The following TNNT1 variants were observed in gnomAD, a reference collection of about 807,000 sequenced individuals.
TNNT1 encodes the protein troponin T1, slow skeletal type.
Under a neutral mutation model 50.6 loss-of-function variants are expected in TNNT1, and 53 were observed. That is an observed-to-expected ratio of 1.05 (90% CI 0.84 to 1.32). The LOEUF is 1.32. TNNT1 is among the 40% of genes most tolerant of loss of function. The pLI is 0.00. For synonymous variants in TNNT1, 142 were observed against 138.0 expected, an observed-to-expected ratio of 1.03 and a Z score of -0.20; for missense variants, 348 against 381.7, an observed-to-expected ratio of 0.91 and a Z score of 0.74.
intron 3 of TNNT1, 123 bp from the exon 4 acceptor site, chr19:55,146,830 ACGTTCCCCC>A (rs901320675): frequency 4.0e-4 from 465 of 1,168,242 alleles, no homozygotes; most frequent in Middle Eastern, 1.8e-3. Flanking sequence ...TGCGATGGGC[ACGTTCCCCC>A]TGGCGGTGCA....
Position 55,132,935 on chromosome 19 carries a change from C to A in TNNT1, c.817G>T (p.Val273Phe). Residue 273 changes from valine (V) to phenylalanine (F), a missense_variant, in exon 14 of 14, where the codon GTT becomes TTT. Val to Phe is a conservative substitution (Grantham distance 50). Around this residue, in one of 3 missense-constraint regions of TNNT1, gnomAD observed 253 missense variants for 291.8 expected, o/e 0.87. Transcript: ENST00000588981. ...CATCCTCACTTCCAGCGGCCTCCAA[C>A]GCGGCCCTTCCCTGCCCCCTTCCGG... ...KFRKGAGKGRVGGRWK is the reference protein window; with the variant it reads ...KFRKGAGKGRFGGRWK The A allele has an allele frequency of 3.7e-6, 6 of 1,603,900 alleles. No homozygotes were observed. Among genetic ancestry groups the A allele is most frequent in the Non-Finnish European group, 5.1e-6 (6 of 1,176,386 alleles).
chr19:55,145,653 C>G, intron 5 of TNNT1, 88 bp from the exon 6 acceptor site: 2 of 1,477,052 alleles, frequency 1.4e-6, no homozygotes, highest in South Asian at 2.3e-5. Flanking sequence ...AGGGACCCCC[C>G]AAGCCTCGGC....
chr19:55,140,197 T>G (rs190425916), intron 9 of TNNT1, among the ~76,000 whole-genome samples: 1 of 151,910 alleles, frequency 6.6e-6, no homozygotes, highest in Non-Finnish European at 1.5e-5. Context: ...CGATGGCTCA[T>G]GCCTGTCATC....
chr19:55,136,303 T>C (rs953025699), intron 11 of TNNT1, among the ~76,000 whole-genome samples: 3 of 152,020 alleles, frequency 2.0e-5, no homozygotes, highest in African/African-American at 7.3e-5. Context: ...CCCAGGCTGG[T>C]CTCCAACTCC....
intron 10 of TNNT1, among the ~76,000 whole-genome samples, chr19:55,137,614 CCAGGCCCCCAGCCCCTCCTCT>C (rs2085374030): frequency 8.7e-6 from 1 of 115,340 alleles, no homozygotes; most frequent in African/African-American, 4.1e-5. Flanking sequence ...ACCCAGGAGT[CCAGGCCCCCAGCCCCTCCTCT>C]CAGACTGAGT....
chr19:55,137,038 T>C, intron 11 of TNNT1, 65 bp downstream of exon 11: 2 of 1,055,196 alleles, frequency 1.9e-6, no homozygotes, highest in Non-Finnish European at 2.9e-6. Flanking sequence ...GATCTGGGTG[T>C]GAGCTCCTTT....
At chr19:55,136,575 G>A (rs1389230461) in intron 11 of TNNT1, among the ~76,000 whole-genome samples, 3 of 152,166 alleles carry the variant, frequency 2.0e-5, no homozygotes, top group Non-Finnish European at 2.9e-5. Flanking sequence ...CGGCAAACCC[G>A]ATCACGGCGC....
rs964730733 is a variant in TNNT1 at position 55,145,647 on chromosome 19, A to AC, written c.107-83dup. ...TAGGCCTGACACACCCTGGGGAGGG[A>AC]CCCCCCAAGCCTCGGCCCCCAGGAC... is the stretch of plus-strand genomic sequence containing the variant. On this transcript the variant is annotated intron_variant, in intron 5 of 13. Transcript: ENST00000588981. The AC allele has an allele frequency of 3.8e-5, 58 of 1,532,488 alleles. 1 individual carries two copies. The highest frequency in any genetic ancestry group is 1.3e-4 in the Admixed American group (8 of 59,424). 94.9% of individuals were successfully genotyped at this position (1,532,488 alleles called of 1,614,324 possible).
chr19:55,142,071 A>G (rs776562372), intron 6 of TNNT1, 151 bp from the exon 7 acceptor site: 3 of 725,416 alleles, frequency 4.1e-6, no homozygotes, highest in Non-Finnish European at 4.9e-6. Context: ...TCAGTGAAAC[A>G]CACAAAAGAA....
intron 13 of TNNT1, 99 bp downstream of exon 13, chr19:55,133,788 C>A: frequency 1.4e-6 from 2 of 1,388,200 alleles, no homozygotes; most frequent in Non-Finnish European, 2.1e-6. Flanking sequence ...GGCAGAAACT[C>A]AGGCAGTGGG....
At chr19:55,146,955 A>C in intron 3 of TNNT1, 53 bp downstream of exon 3, 1 of 1,549,312 alleles carries the variant, frequency 6.5e-7, no homozygotes, top group Non-Finnish European at 8.7e-7. Flanking sequence ...CTCCCCTCCC[A>C]AGAGCTCCTG....
intron 13 of TNNT1, 41 bp from the exon 14 acceptor site, chr19:55,133,001 C>T (rs748795049): frequency 1.4e-5 from 21 of 1,554,672 alleles, no homozygotes; most frequent in Non-Finnish European, 1.8e-5. Flanking sequence ...AGGGGCCCCT[C>T]CAGTCTCTGA....
intron 13 of TNNT1, 58 bp downstream of exon 13, chr19:55,133,829 C>A: frequency 6.2e-7 from 1 of 1,605,594 alleles, no homozygotes; most frequent in Non-Finnish European, 8.5e-7. Context: ...GGGAAAGAGG[C>A]CTGAGAGTCA....
Position 55,132,712 on chromosome 19 carries a change from G to C in TNNT1, c.*203C>G. ...CCAGCAGTGTGTGAAGGTTCAGCCT[G>C]CCGTACTTTAATGATTATTGGTGAC... On this transcript the variant is annotated 3_prime_UTR_variant, in exon 14 of 14. Coordinates refer to ENST00000588981, the MANE Select transcript of TNNT1 (RefSeq NM_003283.6). 1.6e-6 allele frequency: 1 copy of C among 620,018 alleles called. No homozygotes were observed. Among genetic ancestry groups the C allele is most frequent in the Non-Finnish European group, 2.9e-6 (1 of 346,982 alleles). The allele number at this position is 620,018 out of a possible 1,614,324, so 38.4% of individuals were successfully genotyped here.
chr19:55,134,400 C>T (rs1003757931), intron 11 of TNNT1, among the ~76,000 whole-genome samples, 196 bp from the exon 12 acceptor site: 4 of 151,942 alleles, frequency 2.6e-5, no homozygotes, highest in Non-Finnish European at 5.9e-5. Context: ...AGAAGGGTGT[C>T]ATGATTAAGA....
chr19:55,147,351 C>T (rs1192478303), intron 1 of TNNT1, 183 bp from the exon 2 acceptor site: 4 of 174,552 alleles, frequency 2.3e-5, no homozygotes, highest in African/African-American at 1.5e-4. Flanking sequence ...GGGGCCTGGA[C>T]TCCTGGGTCT....
intron 13 of TNNT1, chr19:55,133,493 C>CCCCGTCTCTG (rs1881992964): frequency 3.1e-6 from 1 of 323,174 alleles, no homozygotes; most frequent in Non-Finnish European, 5.9e-6. Context: ...GCCTGACCAA[C>CCCCGTCTCTG]ATGGTGAAAC....
At chr19:55,146,895 G>T in intron 3 of TNNT1, 113 bp downstream of exon 3, 1 of 1,377,674 alleles carries the variant, frequency 7.3e-7, no homozygotes. Context: ...GGCGGGCGAG[G>T]GCCCGAGGGC....
At chr19:55,148,875 T>C (rs374925745) in intron 1 of TNNT1, among the ~76,000 whole-genome samples, 4 of 152,074 alleles carry the variant, frequency 2.6e-5, no homozygotes, top group African/African-American at 9.6e-5. Flanking sequence ...CTGCTGAGAT[T>C]TCCCCCAGAT....
Sources: gnomAD v4.1 joint callset for allele counts (sites outside exome capture counted in the v4.1 genomes callset) on GRCh38, gnomAD v4.1.1 for gene constraint, gnomAD v4.1.1 regional missense constraint, MANE v1.5 for transcripts, NCBI Gene and HGNC (gene_info 2026-07-23, HGNC 2026-07-21) for gene names.